The following NMT2 variants were observed in gnomAD, a reference collection of about 807,000 sequenced individuals.
NMT2 encodes glycylpeptide N-tetradecanoyltransferase 2.
In NMT2, 35 loss-of-function variants were observed where a neutral mutation model predicts 65.4. The ratio of observed to expected loss-of-function variants is 0.54; its 90% CI spans 0.41 to 0.71. The LOEUF (loss-of-function observed/expected upper bound fraction) is 0.71. Among genes scored for constraint, NMT2 ranks in the 30% least tolerant of loss-of-function variants. The pLI is 0.00. For missense variants in NMT2, 489 were observed against 611.3 expected, an observed-to-expected ratio of 0.80 and a Z score of 2.11; for synonymous variants, 226 against 231.8, an observed-to-expected ratio of 0.98 and a Z score of 0.23.
Position 15,106,166 on chromosome 10 carries a change from G to T in NMT2, c.*3029C>A. ...ACACCCCCATGTCCGGCTAGTTTTT[G>T]TAATTTTAGTAGAGATAGGGCTTCA... On this transcript the variant is annotated 3_prime_UTR_variant, in exon 12 of 12. Transcript: ENST00000378165. The T allele has an allele frequency of 4.1e-6, 1 of 241,538 alleles. No individual in the cohort carries two copies. The highest frequency in any genetic ancestry group is 8.5e-6 in the Non-Finnish European group (1 of 117,032). 15.0% of individuals were successfully genotyped at this position (241,538 alleles called of 1,614,324 possible).
chr10:15,154,029 C>T (rs2131611293), intron 1 of NMT2, among the ~76,000 whole-genome samples: 1 of 152,334 alleles, frequency 6.6e-6, no homozygotes, highest in Admixed American at 6.5e-5. Context: ...CCGCTCACAA[C>T]ACAAGCACAT....
intron 9 of NMT2, among the ~76,000 whole-genome samples, chr10:15,116,917 A>G (rs1845766257): frequency 6.6e-6 from 1 of 152,248 alleles, no homozygotes; most frequent in Admixed American, 6.5e-5. Context: ...TTAGTCCATT[A>G]TTTAAAAACT....
intron 8 of NMT2, among the ~76,000 whole-genome samples, chr10:15,123,234 A>G (rs1033300905): frequency 6.6e-6 from 1 of 152,232 alleles, no homozygotes; most frequent in African/African-American, 2.4e-5. Context: ...GCTGACTAAT[A>G]GCTAAAATAA....
chr10:15,135,453 A>T, intron 2 of NMT2, 35 bp from the exon 3 acceptor site: 1 of 1,604,070 alleles, frequency 6.2e-7, no homozygotes, highest in South Asian at 1.1e-5. Context: ...AATATGAGAG[A>T]GCGGCTGCTG....
chr10:15,125,457 T>A (rs1247726466), intron 8 of NMT2, among the ~76,000 whole-genome samples: 1 of 152,176 alleles, frequency 6.6e-6, no homozygotes, highest in Non-Finnish European at 1.5e-5. Context: ...AGTAAACCAA[T>A]GGTATGTGCT....
Position 15,133,441 on chromosome 10 carries a change from G to A in NMT2, c.392-78C>T. The stretch of plus-strand genomic sequence containing the variant: ...TGACAAAGTATTCTAACCATCCAAA[G>A]TGGTCAGTGACATAAGCAAAATCTG... On this transcript the variant is annotated intron_variant, in intron 3 of 11. Coordinates refer to ENST00000378165, the MANE Select transcript of NMT2 (RefSeq NM_004808.3). 4 of 1,177,040 alleles carry A rather than the reference G, an allele frequency of 3.4e-6. No homozygotes were observed. In the Admixed American group the frequency reaches 6.8e-5, roughly 20 times the overall value. The allele number at this position is 1,177,040 out of a possible 1,614,324, so 72.9% of individuals were successfully genotyped here. A position where few individuals can be genotyped will look rare whatever the true frequency, so the allele number is the denominator to read the frequency against.
rs1564568386 is a variant in NMT2, at chr10:15,127,566, A to AAT, written c.999+783_999+784insAT. On this transcript the variant is annotated intron_variant, in intron 8 of 11. Transcript: ENST00000378165. ...CGTCTCAAAAAAAAAAAAAAAAAAA[A>AAT]AAAATAAATAAATAAATAAATAAAT... 6.8e-5 allele frequency among the ~76,000 whole-genome samples: 6 copies of AAT among 88,198 alleles called. No homozygotes were observed. In the African/African-American group the frequency reaches 8.2e-4, roughly 12 times the overall value. 57.9% of individuals were successfully genotyped at this position (88,198 alleles called of 152,430 possible).
chr10:15,144,418 T>A (rs943984832), intron 1 of NMT2, among the ~76,000 whole-genome samples: 4 of 151,990 alleles, frequency 2.6e-5, no homozygotes, highest in Admixed American at 6.6e-5. Flanking sequence ...TTGATACCCA[T>A]GAGGATAATT....
intron 2 of NMT2, chr10:15,139,769 C>T (rs192549890): frequency 1.3e-5 from 2 of 148,594 alleles, no homozygotes; most frequent in East Asian, 4.0e-4. Context: ...GTGACAACAT[C>T]AAAACTACCT....
intron 2 of NMT2, among the ~76,000 whole-genome samples, chr10:15,138,209 C>A: frequency 6.6e-6 from 1 of 152,096 alleles, no homozygotes; most frequent in African/African-American, 2.4e-5. Flanking sequence ...CAGGGTTTCA[C>A]CATGTCGGCC....
intron 1 of NMT2, among the ~76,000 whole-genome samples, chr10:15,145,906 T>C (rs1488754665): frequency 6.6e-6 from 1 of 151,922 alleles, no homozygotes; most frequent in Non-Finnish European, 1.5e-5. Flanking sequence ...CGTGCCTGGG[T>C]GGGAGAGGTG....
intron 6 of NMT2, among the ~76,000 whole-genome samples, chr10:15,132,580 A>G (rs1274080995): frequency 6.6e-6 from 1 of 152,072 alleles, no homozygotes; most frequent in East Asian, 1.9e-4. Context: ...GGTGCCTACC[A>G]CCACGCCCAA....
At chr10:15,143,974 C>A (rs1336513727) in intron 1 of NMT2, among the ~76,000 whole-genome samples, 3 of 152,084 alleles carry the variant, frequency 2.0e-5, no homozygotes, top group African/African-American at 7.2e-5. Context: ...ACTATTTCAC[C>A]AAAAAATCCT....
At chr10:15,155,290 C>T (rs766356200) in intron 1 of NMT2, 275 of 1,384,894 alleles carry the variant, frequency 2.0e-4, no homozygotes, top group Non-Finnish European at 2.7e-4. Flanking sequence ...CTGTTGATGG[C>T]GATGTTGAAG....
intron 6 of NMT2, among the ~76,000 whole-genome samples, chr10:15,130,697 C>T (rs1193956935): frequency 1.9e-5 from 2 of 107,384 alleles, no homozygotes; most frequent in Non-Finnish European, 3.5e-5. Flanking sequence ...GAGCAAGGCC[C>T]TGTCTCAAAA....
At chr10:15,142,999 T>A (rs1014780234) in intron 1 of NMT2, among the ~76,000 whole-genome samples, 10 of 152,170 alleles carry the variant, frequency 6.6e-5, no homozygotes, top group Non-Finnish European at 1.5e-5. Flanking sequence ...ATGTATGCAT[T>A]TGTATGTGCT....
chr10:15,164,003 C>A lies in NMT2; in HGVS notation c.110+4500G>T, dbSNP rs550032736. ...GACCATCCTGGCTAACATGGTGAAA[C>A]CCCGTCTCTACTAAAAATACAAAAA... On this transcript the variant is annotated intron_variant, in intron 1 of 11. Transcript: ENST00000378165. 7.4e-3 allele frequency among the ~76,000 whole-genome samples: 1,123 copies of A among 152,016 alleles called. 7 individuals are homozygous for A. The highest frequency in any genetic ancestry group is 0.012 in the Non-Finnish European group (786 of 67,958).
intron 1 of NMT2, among the ~76,000 whole-genome samples, chr10:15,145,234 C>T (rs1387497021): frequency 2.6e-5 from 4 of 152,064 alleles, no homozygotes; most frequent in Non-Finnish European, 4.4e-5. Context: ...TAGTGGTGGT[C>T]AGGGGCTGGG....
intron 2 of NMT2, among the ~76,000 whole-genome samples, chr10:15,139,069 G>A (rs976367726): frequency 6.6e-6 from 1 of 152,094 alleles, no homozygotes; most frequent in Non-Finnish European, 1.5e-5. Flanking sequence ...AATGTGAAAA[G>A]AGAGACTGGC....
Sources: gnomAD v4.1 joint callset for allele counts (sites outside exome capture counted in the v4.1 genomes callset) on GRCh38, gnomAD v4.1.1 for gene constraint, MANE v1.5 for transcripts, NCBI Gene and HGNC (gene_info 2026-07-23, HGNC 2026-07-21) for gene names.